PVT1: variants seen among roughly 807,000 people sequenced by gnomAD.
PVT1 encodes Pvt1 oncogene.
chr8:127,977,987 A>G (rs1438511668), intron 3 of PVT1, among the ~76,000 whole-genome samples: 1 of 152,160 alleles, frequency 6.6e-6, no homozygotes, highest in Non-Finnish European at 1.5e-5. Flanking sequence ...TGACAGTGTT[A>G]TATTTACCCC....
At chr8:127,805,912 A>G (rs1187345539) in intron 2 of PVT1, among the ~76,000 whole-genome samples, 3 of 152,184 alleles carry the variant, frequency 2.0e-5, no homozygotes, top group Non-Finnish European at 4.4e-5. Flanking sequence ...AGTTAACCAG[A>G]AGAACAAAGT....
intron 3 of PVT1, among the ~76,000 whole-genome samples, chr8:127,957,566 C>CAAAA (rs56796489): frequency 2.1e-4 from 19 of 91,764 alleles, no homozygotes; most frequent in African/African-American, 5.9e-4. Context: ...GACTCCGTCT[C>CAAAA]AAAAAAAAAA....
chr8:127,846,626 C>T (rs1815037437), intron 2 of PVT1, among the ~76,000 whole-genome samples: 1 of 152,136 alleles, frequency 6.6e-6, no homozygotes, highest in Non-Finnish European at 1.5e-5. Flanking sequence ...TAGCTGATAG[C>T]TGTGTGGGAA....
At chr8:127,974,178 G>A (rs1281344725) in intron 3 of PVT1, among the ~76,000 whole-genome samples, 1 of 152,090 alleles carries the variant, frequency 6.6e-6, no homozygotes, top group African/African-American at 2.4e-5. Context: ...AGATACTGCC[G>A]GATGTGCCAT....
At chr8:127,994,646 T>A (rs978152722) in intron 4 of PVT1, among the ~76,000 whole-genome samples, 1 of 152,220 alleles carries the variant, frequency 6.6e-6, no homozygotes, top group Non-Finnish European at 1.5e-5. Context: ...AGGTATTGGC[T>A]CATGCAATTA....
intron 2 of PVT1, among the ~76,000 whole-genome samples, chr8:127,874,357 T>C (rs1356879979): frequency 6.6e-6 from 1 of 151,798 alleles, no homozygotes; most frequent in Non-Finnish European, 1.5e-5. Flanking sequence ...TCACCAAGGG[T>C]GGGTAACAGT....
At chr8:128,090,191 T>G (rs1814333005) in intron 5 of PVT1, among the ~76,000 whole-genome samples, 1 of 152,188 alleles carries the variant, frequency 6.6e-6, no homozygotes, top group Non-Finnish European at 1.5e-5. Flanking sequence ...GTTTTCTATA[T>G]TTATGGAATT....
chr8:127,838,015 A>G (rs1814928498), intron 2 of PVT1, among the ~76,000 whole-genome samples: 1 of 151,198 alleles, frequency 6.6e-6, no homozygotes, highest in African/African-American at 2.4e-5. Context: ...CTCCTGCCTC[A>G]GCCTCCTGAA....
In PVT1 at chr8:127,863,767, C is replaced by T. The variant is rs1228584628; in HGVS notation, n.373-26822C>T. On this transcript the variant is annotated intron_variant and non_coding_transcript_variant, in intron 2 of 10. Transcript: ENST00000651587. The stretch of plus-strand genomic sequence containing the variant: ...AAGCCCAGAGGGGTAGAATGACTTG[C>T]TTGAGGCCCCTCAGCTTGGACCTGG... Among the ~76,000 whole-genome samples, 3 of 152,280 alleles carry T rather than the reference C, an allele frequency of 2.0e-5. No individual in the cohort carries two copies. The East Asian group carries it at 5.8e-4, about 29-fold the overall frequency.
intron 3 of PVT1, among the ~76,000 whole-genome samples, chr8:127,899,265 C>T (rs892948993): frequency 6.6e-6 from 1 of 152,202 alleles, no homozygotes; most frequent in African/African-American, 2.4e-5. Flanking sequence ...TCTGGGCTTT[C>T]GCTTGCTCCT....
At chr8:127,813,878 G>T (rs1814631104) in intron 2 of PVT1, among the ~76,000 whole-genome samples, 1 of 152,154 alleles carries the variant, frequency 6.6e-6, no homozygotes, top group Non-Finnish European at 1.5e-5. Flanking sequence ...TGCCTTCCAG[G>T]TTCAAGCAAT....
chr8:128,015,087 ATTTATTAT>A (rs1361421130), intron 4 of PVT1, among the ~76,000 whole-genome samples: 7 of 147,660 alleles, frequency 4.7e-5, no homozygotes, highest in African/African-American at 1.8e-4. Flanking sequence ...TTATTTATTT[ATTTATTAT>A]TTATTTATTT....
At chr8:128,033,634 T>A (rs1372038264) in intron 4 of PVT1, among the ~76,000 whole-genome samples, 1 of 152,212 alleles carries the variant, frequency 6.6e-6, no homozygotes, top group Non-Finnish European at 1.5e-5. Context: ...GAGCCATAAA[T>A]TGGCCATAGT....
At chr8:127,907,810 G>T (rs1048461139) in intron 3 of PVT1, among the ~76,000 whole-genome samples, 4 of 152,026 alleles carry the variant, frequency 2.6e-5, no homozygotes. Flanking sequence ...TCCAAGGCAC[G>T]TTTTATAGTG....
chr8:127,855,696 A>G (rs1815153104), intron 2 of PVT1, among the ~76,000 whole-genome samples: 1 of 152,230 alleles, frequency 6.6e-6, no homozygotes, highest in South Asian at 2.1e-4. Context: ...GGGAACCCCC[A>G]CCAGCGAGGT....
At chr8:127,913,363 C>T (rs893756572) in intron 3 of PVT1, among the ~76,000 whole-genome samples, 4 of 152,216 alleles carry the variant, frequency 2.6e-5, no homozygotes, top group African/African-American at 7.2e-5. Context: ...ATTCACTGCA[C>T]CTAGCCTGAT....
chr8:127,905,028 G>A (rs746608085), intron 3 of PVT1, among the ~76,000 whole-genome samples: 5 of 152,202 alleles, frequency 3.3e-5, no homozygotes, highest in Non-Finnish European at 5.9e-5. Context: ...TTGTGTGTCT[G>A]CAGAGCTCTG....
At chr8:127,936,113 G>A (rs941287408) in intron 3 of PVT1, among the ~76,000 whole-genome samples, 3 of 147,860 alleles carry the variant, frequency 2.0e-5, no homozygotes, top group Admixed American at 6.9e-5. Context: ...GTGCAATGGC[G>A]CGATCTTGGC....
At chr8:128,093,570 A>C (rs2130171739) in intron 5 of PVT1, among the ~76,000 whole-genome samples, 1 of 152,234 alleles carries the variant, frequency 6.6e-6, no homozygotes, top group East Asian at 1.9e-4. Flanking sequence ...AAAATAAAAA[A>C]TAAAAAGAGT....
Sources: allele counts gnomAD v4.1 joint callset (sites outside exome capture counted in the v4.1 genomes callset), GRCh38; gene constraint gnomAD v4.1.1; transcripts MANE v1.5; gene names NCBI Gene and HGNC (gene_info 2026-07-23, HGNC 2026-07-21).